Variants in HSP90AA1 observed in about 807,000 individuals in gnomAD.
HSP90AA1 encodes heat shock protein 90 alpha family class A member 1.
Under a neutral mutation model 73.3 loss-of-function variants are expected in HSP90AA1, and 18 were observed. That is an observed-to-expected ratio of 0.25 (90% CI 0.17 to 0.36). The LOEUF is 0.36. Ranked by LOEUF, HSP90AA1 falls within the 10% of genes least tolerant of loss-of-function variation. The probability of loss-of-function intolerance (pLI) is 1.00; values close to 1 mark genes in which losing one functional copy is unlikely to be tolerated. For missense variants in HSP90AA1, 704 were observed against 874.2 expected (o/e 0.81, Z 2.45); for synonymous variants, 477 against 296.9 (o/e 1.61, Z -6.24).
At chr14:102,086,192 G>C (rs1489944120) in intron 2 of HSP90AA1, 25 bp downstream of exon 2, 2 of 1,613,994 alleles carry the variant, frequency 1.2e-6, no homozygotes, top group African/African-American at 2.7e-5. Context: ...ACCAAAATCC[G>C]ATTCTGGGTT....
In HSP90AA1 at chr14:102,139,459, G is replaced by A. The variant is rs1221547575; in HGVS notation, c.-55C>T. ...TGGCTCCGAAGCGGTGGCCGTCGGG[G>A]TGGCGCTCTTCCTCCGCTCTTTGGG... On this transcript the variant is annotated 5_prime_UTR_variant, in exon 1 of 12. Transcript: ENST00000334701. The A allele has an allele frequency of 5.4e-6, 8 of 1,479,950 alleles. No homozygotes were observed. The Admixed American group carries it at 9.3e-5, about 17-fold the overall frequency. 91.7% of individuals were successfully genotyped at this position (1,479,950 alleles called of 1,614,324 possible).
intron 1 of HSP90AA1, among the ~76,000 whole-genome samples, chr14:102,130,837 C>T (rs1315197344): frequency 2.0e-5 from 3 of 152,092 alleles, no homozygotes; most frequent in African/African-American, 7.2e-5. Context: ...TCAAGTGATC[C>T]TCCTGCCTGA....
intron 1 of HSP90AA1, among the ~76,000 whole-genome samples, chr14:102,122,202 C>A (rs1239106962): frequency 6.6e-6 from 1 of 151,916 alleles, no homozygotes; most frequent in East Asian, 1.9e-4. Flanking sequence ...ATTAATCCTG[C>A]CATCTCTATC....
chr14:102,102,541 T>C (rs569514029), intron 1 of HSP90AA1, among the ~76,000 whole-genome samples: 3 of 152,210 alleles, frequency 2.0e-5, no homozygotes, highest in Non-Finnish European at 4.4e-5. Context: ...CCAGGGGAAG[T>C]GTCCCCCTTG....
In HSP90AA1 at chr14:102,081,607, T is replaced by C. The variant is rs965739818; in HGVS notation, c.*105A>G. ...TCCCCTTAAAGTAGTTGTCATGCCA[T>C]ACAGACTTTTTAATATTAACAAAAA... On this transcript the variant is annotated 3_prime_UTR_variant, in exon 11 of 11. Transcript: ENST00000216281. 5 of 736,336 alleles carry C rather than the reference T, an allele frequency of 6.8e-6. No individual in the cohort carries two copies. Among genetic ancestry groups the C allele is most frequent in the Non-Finnish European group, 1.3e-5 (5 of 398,392 alleles). 45.6% of individuals were successfully genotyped at this position (736,336 alleles called of 1,614,324 possible). A position where few individuals can be genotyped will look rare whatever the true frequency, so the allele number is the denominator to read the frequency against.
At chr14:102,083,383 G>GT in intron 8 of HSP90AA1, 81 bp from the exon 9 acceptor site, 1 of 1,515,772 alleles carries the variant, frequency 6.6e-7, no homozygotes, top group East Asian at 2.3e-5. Context: ...TTGCTAGCCA[G>GT]ATACCTAGGC....
chr14:102,081,417 G>C lies in HSP90AA1; in HGVS notation c.*295C>G. Reference sequence around the variant, plus strand: ...GTCTACTTAGGCATCCGGCTTGACAGCTAAACACTTTAGACCACAAAGTTA... The same window carrying C: ...GTCTACTTAGGCATCCGGCTTGACACCTAAACACTTTAGACCACAAAGTTA... On this transcript the variant is annotated 3_prime_UTR_variant, in exon 11 of 11. Transcript: ENST00000216281. 2.3e-6 allele frequency: 1 copy of C among 434,472 alleles called. No individual in the cohort carries two copies. Among genetic ancestry groups the C allele is most frequent in the Non-Finnish European group, 4.2e-6 (1 of 240,586 alleles). 26.9% of individuals were successfully genotyped at this position (434,472 alleles called of 1,614,324 possible).
intron 1 of HSP90AA1, among the ~76,000 whole-genome samples, chr14:102,086,748 C>T (rs1340665706): frequency 6.6e-6 from 1 of 151,394 alleles, no homozygotes; most frequent in African/African-American, 2.4e-5. Flanking sequence ...CGTGCGGCGC[C>T]AGCTCTGGCG....
chr14:102,139,370 G>A (rs1334838640), exon 1 of HSP90AA1: 1 of 1,601,736 alleles, frequency 6.2e-7, no homozygotes, highest in South Asian at 1.1e-5. Context: ...GGGCCCAGGA[G>A]GGGTGGAGCC....
intron 1 of HSP90AA1, among the ~76,000 whole-genome samples, chr14:102,103,901 G>C (rs1252325587): frequency 2.0e-5 from 3 of 151,952 alleles, no homozygotes; most frequent in Non-Finnish European, 2.9e-5. Context: ...CTAGTTGGGA[G>C]GCTGAGGGAG....
intron 2 of HSP90AA1, among the ~76,000 whole-genome samples, chr14:102,096,080 C>T (rs2049420180): frequency 6.6e-6 from 1 of 152,286 alleles, no homozygotes; most frequent in Admixed American, 6.5e-5. Context: ...ATGCTGGGCA[C>T]CCACATGTCA....
chr14:102,086,436 A>G (rs8004640), intron 1 of HSP90AA1, 58 bp from the exon 2 acceptor site: 1,489,547 of 1,591,180 alleles, frequency 0.94, 697,797 homozygotes, highest in East Asian at 1. Flanking sequence ...GGCAACACGA[A>G]ATTCCATCGC....
In HSP90AA1 at chr14:102,084,389, C is replaced by G. The variant is rs770580041; in HGVS notation, c.1147+10G>C. The stretch of plus-strand genomic sequence containing the variant: ...CAGTGACAGTGATTATTTTTCCTAT[C>G]TATACTTACTCAGATATTCAGGGAT... On this transcript the variant is annotated intron_variant, in intron 6 of 10. Transcript: ENST00000216281. 6.2e-7 allele frequency: 1 copy of G among 1,610,082 alleles called. No individual in the cohort carries two copies. Among genetic ancestry groups the G allele is most frequent in the Non-Finnish European group, 8.5e-7 (1 of 1,176,412 alleles).
chr14:102,132,996 C>T (rs1252165055), intron 1 of HSP90AA1, among the ~76,000 whole-genome samples: 3 of 135,872 alleles, frequency 2.2e-5, no homozygotes, highest in South Asian at 4.7e-4. Context: ...GCGGTGGGGG[C>T]GGGCTGGGCG....
At chr14:102,107,244 G>C (rs1377557081) in intron 1 of HSP90AA1, among the ~76,000 whole-genome samples, 1 of 151,994 alleles carries the variant, frequency 6.6e-6, no homozygotes, top group Non-Finnish European at 1.5e-5. Context: ...ACATCCTAGA[G>C]ATTCCTCTCA....
intron 1 of HSP90AA1, among the ~76,000 whole-genome samples, chr14:102,124,081 C>A (rs2049811962): frequency 6.6e-6 from 1 of 151,990 alleles, no homozygotes; most frequent in African/African-American, 2.4e-5. Flanking sequence ...CCACGTCCAG[C>A]CTATTTATCT....
intron 1 of HSP90AA1, among the ~76,000 whole-genome samples, chr14:102,108,814 T>A (rs1326312778): frequency 8.5e-5 from 13 of 152,132 alleles, no homozygotes; most frequent in Admixed American, 1.3e-4. Context: ...GGATTACAGG[T>A]GTGAGCCACT....
At chr14:102,095,356 C>A (rs1380847753) in intron 2 of HSP90AA1, among the ~76,000 whole-genome samples, 5 of 152,006 alleles carry the variant, frequency 3.3e-5, no homozygotes, top group African/African-American at 7.3e-5. Flanking sequence ...AGAGGGGTGG[C>A]GGGACTCTTT....
chr14:102,093,177 G>A (rs1482672537), intron 2 of HSP90AA1, among the ~76,000 whole-genome samples: 2 of 151,112 alleles, frequency 1.3e-5, no homozygotes, highest in Non-Finnish European at 2.9e-5. Flanking sequence ...AATCAGTGTA[G>A]TGTGGGAAAA....
Sources: allele counts gnomAD v4.1 joint callset (sites outside exome capture counted in the v4.1 genomes callset), GRCh38; gene constraint gnomAD v4.1.1; transcripts MANE v1.5; gene names NCBI Gene and HGNC (gene_info 2026-07-23, HGNC 2026-07-21).